GNAI1: variants seen among roughly 807,000 people sequenced by gnomAD.
The protein encoded by GNAI1 is G protein subunit alpha i1.
A neutral mutation model predicts 38.9 loss-of-function variants in GNAI1; 11 were observed. That is an observed-to-expected ratio of 0.28 (90% confidence interval 0.18 to 0.47). The LOEUF (loss-of-function observed/expected upper bound fraction) is 0.47, where lower values mean the gene tolerates loss of function less well. GNAI1 is among the 20% of genes least tolerant of loss of function. The pLI is 0.99. For missense variants in GNAI1, 317 were observed against 436.9 expected, an observed-to-expected ratio of 0.73 and a Z score of 2.45; for synonymous variants, 166 against 145.1, an observed-to-expected ratio of 1.14 and a Z score of -1.04.
rs1789082235 is a variant in GNAI1, at chr7:80,221,766, C to T, written c.*4273C>T. ...CAAGCAATTGTCCTGCCTCAGCCTC[C>T]CGAGTAGCTGGGATTACAGGCATGC... On this transcript the variant is annotated 3_prime_UTR_variant, in exon 8 of 8. Transcript: ENST00000649796. Among the ~76,000 whole-genome samples, 1 of 151,152 alleles carries T rather than the reference C, an allele frequency of 6.6e-6. No individual in the cohort carries two copies. Among genetic ancestry groups the T allele is most frequent in the Non-Finnish European group, 1.5e-5 (1 of 67,876 alleles).
intron 1 of GNAI1, among the ~76,000 whole-genome samples, chr7:80,137,307 C>CTTTT (rs1787435379): frequency 9.8e-5 from 6 of 61,218 alleles, no homozygotes; most frequent in African/African-American, 2.6e-4. Context: ...TTTTTTTTTT[C>CTTTT]TTTTCTTTTC....
intron 7 of GNAI1, 69 bp from the exon 8 acceptor site, chr7:80,217,234 C>CTGACTTCAGTTTCATATGTATGAAAG: frequency 9.6e-7 from 1 of 1,045,082 alleles, no homozygotes; most frequent in Non-Finnish European, 1.4e-6. Context: ...ATGTATGAAA[C>CTGACTTCAGTTTCATATGTATGAAAG]TGAATTCAGT....
At chr7:80,199,574 T>C (rs1396550983) in intron 4 of GNAI1, among the ~76,000 whole-genome samples, 192 bp downstream of exon 4, 3 of 152,186 alleles carry the variant, frequency 2.0e-5, no homozygotes, top group Non-Finnish European at 4.4e-5. Context: ...ATTTCCTATA[T>C]GTTCAATAGT....
At position 80,222,062 on chromosome 7, in the gene GNAI1, G is replaced by A. The variant is rs995619434; in HGVS notation, c.*4569G>A. Among the ~76,000 whole-genome samples the A allele has an allele frequency of 2.0e-5, 3 of 151,986 alleles. No homozygotes were observed. The highest frequency in any genetic ancestry group is 4.8e-5 in the African/African-American group (2 of 41,372). On this transcript the variant is annotated 3_prime_UTR_variant, in exon 8 of 8. Coordinates refer to ENST00000649796, the MANE Select transcript of GNAI1 (RefSeq NM_002069.6). ...CAGGCATTTTTTTAAACCAATTACT[G>A]TTTGCTTTGGTGTCTGTTGTGATTT...
At chr7:80,157,700 A>C (rs967627410) in intron 1 of GNAI1, among the ~76,000 whole-genome samples, 8 of 151,810 alleles carry the variant, frequency 5.3e-5, no homozygotes, top group Admixed American at 2.6e-4. Flanking sequence ...TATGTGAAGC[A>C]CCTTTTTTCT....
intron 1 of GNAI1, among the ~76,000 whole-genome samples, chr7:80,168,909 T>A (rs1015128060): frequency 6.6e-6 from 1 of 152,228 alleles, no homozygotes; most frequent in Non-Finnish European, 1.5e-5. Context: ...TTACAGGTTT[T>A]TCTTTTTGAT....
intron 1 of GNAI1, among the ~76,000 whole-genome samples, chr7:80,175,745 C>T (rs2115580562): frequency 6.6e-6 from 1 of 152,150 alleles, no homozygotes; most frequent in African/African-American, 2.4e-5. Flanking sequence ...TTTAGAGTGC[C>T]ATAAACTCTG....
chr7:80,215,931 G>A (rs373742745), intron 7 of GNAI1, among the ~76,000 whole-genome samples: 37 of 152,094 alleles, frequency 2.4e-4, no homozygotes, highest in African/African-American at 8.9e-4. Context: ...AGGTCCTCAC[G>A]ACATGGACCT....
chr7:80,187,316 G>C (rs1788406125), intron 1 of GNAI1: 1 of 152,084 alleles, frequency 6.6e-6, no homozygotes, highest in Non-Finnish European at 1.5e-5. Context: ...GTATCAGTCA[G>C]AAATAGCTTA....
At position 80,224,811 on chromosome 7, in the gene GNAI1, G is replaced by C. The variant is rs1789132555; in HGVS notation, c.*7318G>C. 6.6e-6 allele frequency among the ~76,000 whole-genome samples: 1 copy of C among 152,162 alleles called. No homozygotes were observed. The highest frequency in any genetic ancestry group is 2.1e-4 in the South Asian group (1 of 4,830). On this transcript the variant is annotated 3_prime_UTR_variant, in exon 8 of 8. Coordinates refer to ENST00000649796, the MANE Select transcript of GNAI1 (RefSeq NM_002069.6). ...TAAAATACAAGAGTTCAGATACACA[G>C]AATTTAAAAATTACATGTTGAACTG... is the stretch of plus-strand genomic sequence containing the variant.
chr7:80,216,693 A>T (rs1320477616), intron 7 of GNAI1, among the ~76,000 whole-genome samples: 5 of 152,150 alleles, frequency 3.3e-5, no homozygotes, highest in Admixed American at 3.3e-4. Context: ...TTATCTTTAG[A>T]TATTGCCAAA....
intron 1 of GNAI1, among the ~76,000 whole-genome samples, chr7:80,159,379 A>G (rs1263975170): frequency 1.3e-5 from 2 of 152,168 alleles, no homozygotes; most frequent in Non-Finnish European, 1.5e-5. Context: ...AGAGGTGTCT[A>G]GAAAAGCCTC....
rs137887250 is a variant in GNAI1 at position 80,221,301 on chromosome 7, A to G, written c.*3808A>G. Among the ~76,000 whole-genome samples, 21 of 152,346 alleles carry G rather than the reference A, an allele frequency of 1.4e-4. No homozygotes were observed. The East Asian group carries it at 2.9e-3, about 21-fold the overall frequency. The stretch of plus-strand genomic sequence containing the variant: ...TTTTAATGGTTGTTGTCAGCATTAA[A>G]TAAGTTCACAGTACATGTTAAGTAC... On this transcript the variant is annotated 3_prime_UTR_variant, in exon 8 of 8. Coordinates refer to ENST00000649796, the MANE Select transcript of GNAI1 (RefSeq NM_002069.6).
rs1789038678 is a variant in GNAI1, at chr7:80,219,676, A to G, written c.*2183A>G. 6.6e-6 allele frequency among the ~76,000 whole-genome samples: 1 copy of G among 152,086 alleles called. No individual in the cohort carries two copies. Among genetic ancestry groups the G allele is most frequent in the Non-Finnish European group, 1.5e-5 (1 of 68,004 alleles). On this transcript the variant is annotated 3_prime_UTR_variant, in exon 8 of 8. Coordinates refer to ENST00000649796, the MANE Select transcript of GNAI1 (RefSeq NM_002069.6). ...CACCAGTTCTCACCCTGACTTTGCC[A>G]TTTTTCCTTACTAAGTACCATCATC...
At chr7:80,148,568 TG>T (rs1787669620) in intron 1 of GNAI1, among the ~76,000 whole-genome samples, 1 of 151,998 alleles carries the variant, frequency 6.6e-6, no homozygotes, top group East Asian at 1.9e-4. Flanking sequence ...TTAGAGCATC[TG>T]AATGATTTTG....
chr7:80,220,556 A>G lies in GNAI1; in HGVS notation c.*3063A>G, dbSNP rs1266330898. ...TGAGCCAATCATTGTCCCAGTTGCC[A>G]TTCTTAAAGTCCCTAAGGCGCTTGT... On this transcript the variant is annotated 3_prime_UTR_variant, in exon 8 of 8. Coordinates refer to ENST00000649796, the MANE Select transcript of GNAI1 (RefSeq NM_002069.6). Among the ~76,000 whole-genome samples the G allele has an allele frequency of 6.6e-6, 1 of 152,168 alleles. No individual in the cohort carries two copies. Among genetic ancestry groups the G allele is most frequent in the Non-Finnish European group, 1.5e-5 (1 of 68,010 alleles).
intron 7 of GNAI1, 118 bp from the exon 8 acceptor site, chr7:80,217,185 T>C: frequency 1.3e-5 from 2 of 155,340 alleles, no homozygotes; most frequent in Non-Finnish European, 2.2e-5. Flanking sequence ...AGTTAAGGAG[T>C]CCATGAATGA....
In GNAI1 at chr7:80,221,709, C is replaced by G. The variant is rs1188517283; in HGVS notation, c.*4216C>G. 7.9e-6 allele frequency among the ~76,000 whole-genome samples: 1 copy of G among 126,512 alleles called. No individual in the cohort carries two copies. Among genetic ancestry groups the G allele is most frequent in the African/African-American group, 2.9e-5 (1 of 34,750 alleles). The allele number at this position is 126,512 out of a possible 152,430, so 83.0% of individuals were successfully genotyped here. ...CCAGGCTGGAGTGCAGTCGTGCAAT[C>G]TCCACTCTCTGCAACCTCCAACTCC... is the stretch of plus-strand genomic sequence containing the variant. On this transcript the variant is annotated 3_prime_UTR_variant, in exon 8 of 8. Transcript: ENST00000649796.
intron 6 of GNAI1, 28 bp from the exon 7 acceptor site, chr7:80,212,688 C>G: frequency 2.1e-6 from 3 of 1,413,020 alleles, no homozygotes; most frequent in Non-Finnish European, 2.8e-6. Flanking sequence ...CTGTTAGTGA[C>G]GATTGGTTTT....
Sources: gnomAD v4.1 joint callset for allele counts (sites outside exome capture counted in the v4.1 genomes callset) on GRCh38, gnomAD v4.1.1 for gene constraint, MANE v1.5 for transcripts, NCBI Gene and HGNC (gene_info 2026-07-23, HGNC 2026-07-21) for gene names.